MGST2: variants seen among roughly 807,000 people sequenced by gnomAD.
MGST2 encodes the protein microsomal glutathione S-transferase 2, also known as glutathione peroxidase MGST2.
A neutral mutation model predicts 16.6 loss-of-function variants in MGST2; 9 were observed. The ratio of observed to expected loss-of-function variants is 0.54; its 90% CI spans 0.33 to 0.95. The LOEUF (loss-of-function observed/expected upper bound fraction) is 0.95. Ranked by LOEUF, MGST2 falls within the 40% of genes least tolerant of loss-of-function variation. The pLI is 0.03. For synonymous variants in MGST2, 79 were observed against 68.0 expected (o/e 1.16, Z -0.79); for missense variants, 159 against 175.1 (o/e 0.91, Z 0.52).
chr4:139,740,114 G>A (rs943112952), intron 5 of MGST2: 10 of 152,174 alleles, frequency 6.6e-5, no homozygotes, highest in African/African-American at 2.4e-4. Flanking sequence ...AGTCCCAGAG[G>A]AAGGGTACTG....
chr4:139,669,536 A>G (rs1730555049), intron 1 of MGST2, among the ~76,000 whole-genome samples: 2 of 152,180 alleles, frequency 1.3e-5, no homozygotes, highest in Admixed American at 1.3e-4. Context: ...TCCTGGCCCC[A>G]TGTAGGCGCT....
downstream of MGST2, among the ~76,000 whole-genome samples, chr4:139,704,884 T>C (rs1394055513): frequency 6.6e-6 from 1 of 152,074 alleles, no homozygotes; most frequent in East Asian, 1.9e-4. Context: ...ATCGCGCCAC[T>C]GCACTCCAGC....
downstream of MGST2, among the ~76,000 whole-genome samples, chr4:139,707,453 GTTGGACAT>G (rs958536325): frequency 6.6e-6 from 1 of 152,052 alleles, no homozygotes; most frequent in Admixed American, 6.6e-5. Flanking sequence ...GTCTATCATT[GTTGGACAT>G]TTGGGTTGGT....
intron 5 of MGST2, chr4:139,717,104 A>AACTT (rs1220632444): frequency 1.3e-5 from 2 of 152,494 alleles, no homozygotes; most frequent in African/African-American, 2.4e-5. Context: ...GTATTGTAAA[A>AACTT]ACTTATGTAC....
chr4:139,742,233 C>T (rs898719562), downstream of MGST2, among the ~76,000 whole-genome samples: 5 of 151,952 alleles, frequency 3.3e-5, no homozygotes, highest in South Asian at 8.3e-4. Flanking sequence ...ACTGCAACCT[C>T]CGCCTCCCGG....
chr4:139,748,453 G>C, the MGST2 span, among the ~76,000 whole-genome samples: 1 of 152,276 alleles, frequency 6.6e-6, no homozygotes, highest in Admixed American at 6.5e-5. Context: ...AAGGATCTCT[G>C]GTCCTGAACA....
At chr4:139,700,442 T>C (rs1453062934) in intron 3 of MGST2, among the ~76,000 whole-genome samples, 1 of 152,114 alleles carries the variant, frequency 6.6e-6, no homozygotes, top group Non-Finnish European at 1.5e-5. Context: ...CCAGGTACTG[T>C]TTTTAAGTTT....
intron 2 of MGST2, among the ~76,000 whole-genome samples, chr4:139,687,122 T>A (rs1731607562): frequency 1.3e-5 from 2 of 152,216 alleles, no homozygotes; most frequent in Admixed American, 1.3e-4. Context: ...TTGTTAGAGA[T>A]GTTTTGCTTT....
chr4:139,712,791 A>T (rs988367998), intron 5 of MGST2, among the ~76,000 whole-genome samples: 1 of 152,226 alleles, frequency 6.6e-6, no homozygotes, highest in Admixed American at 6.5e-5. Flanking sequence ...TATTGGCTCT[A>T]CAAGTCAAGT....
At chr4:139,725,656 A>T in intron 5 of MGST2, 1 of 1,209,456 alleles carries the variant, frequency 8.3e-7, no homozygotes, top group Non-Finnish European at 1.2e-6. Flanking sequence ...TTTCCTGGAC[A>T]CAAATACAGC....
At chr4:139,738,914 C>A (rs1330565043) in intron 5 of MGST2, among the ~76,000 whole-genome samples, 1 of 152,146 alleles carries the variant, frequency 6.6e-6, no homozygotes, top group Non-Finnish European at 1.5e-5. Flanking sequence ...CCTACTGATT[C>A]TTAACTAAGT....
chr4:139,688,034 A>C (rs1285644506), intron 2 of MGST2, among the ~76,000 whole-genome samples: 1 of 152,250 alleles, frequency 6.6e-6, no homozygotes, highest in Non-Finnish European at 1.5e-5. Context: ...CATTTTATAA[A>C]ATCTAAAAAG....
At chr4:139,693,357 A>T (rs1447237555) in intron 2 of MGST2, among the ~76,000 whole-genome samples, 1 of 149,446 alleles carries the variant, frequency 6.7e-6, no homozygotes, top group African/African-American at 2.5e-5. Context: ...GTGAGCCGAG[A>T]TCGTGCCACT....
intron 5 of MGST2, among the ~76,000 whole-genome samples, chr4:139,733,822 G>GA (rs1464586141): frequency 6.6e-6 from 1 of 152,110 alleles, no homozygotes; most frequent in African/African-American, 2.4e-5. Context: ...GTAGGTGGGG[G>GA]ACTACAGGTT....
downstream of MGST2, among the ~76,000 whole-genome samples, chr4:139,742,037 C>T (rs935272515): frequency 1.3e-4 from 20 of 152,190 alleles, no homozygotes; most frequent in Non-Finnish European, 2.5e-4. Context: ...TCAAAGAGGT[C>T]TAACACAGCC....
At chr4:139,670,482 G>A (rs968784349) in intron 1 of MGST2, among the ~76,000 whole-genome samples, 7 of 152,080 alleles carry the variant, frequency 4.6e-5, no homozygotes, top group Admixed American at 4.6e-4. Flanking sequence ...CTATTGGTTC[G>A]GCCCCAAAAG....
At chr4:139,743,012 C>T (rs1435873279), downstream of MGST2, among the ~76,000 whole-genome samples, 2 of 152,200 alleles carry the variant, frequency 1.3e-5, no homozygotes, top group African/African-American at 4.8e-5. Context: ...CATGATATCC[C>T]CTCAAATGCC....
At chr4:139,719,980 C>G in intron 5 of MGST2, 1 of 1,614,080 alleles carries the variant, frequency 6.2e-7, no homozygotes, top group Non-Finnish European at 8.5e-7. Context: ...CTGAGTTCAC[C>G]AGCATGCTCT....
At chr4:139,674,461 C>T (rs1285804260) in intron 1 of MGST2, among the ~76,000 whole-genome samples, 1 of 151,344 alleles carries the variant, frequency 6.6e-6, no homozygotes, top group Non-Finnish European at 1.5e-5. Context: ...TGTGAGGGAG[C>T]TATGTAGTTT....
Sources: gnomAD v4.1 joint callset for allele counts (sites outside exome capture counted in the v4.1 genomes callset) on GRCh38, gnomAD v4.1.1 for gene constraint, MANE v1.5 for transcripts, NCBI Gene and HGNC (gene_info 2026-07-23, HGNC 2026-07-21) for gene names.